Variants in GRID2 observed in about 807,000 individuals in gnomAD.
The protein encoded by GRID2 is glutamate receptor ionotropic, delta-2.
In GRID2, 33 loss-of-function variants were observed where a neutral mutation model predicts 114.8. The observed-to-expected ratio is 0.29, with a 90% CI of 0.22 to 0.38. The LOEUF (loss-of-function observed/expected upper bound fraction) is 0.38, where lower values mean the gene tolerates loss of function less well. GRID2 is among the 10% of genes least tolerant of loss of function. The pLI is 1.00. For synonymous variants in GRID2, 505 were observed against 449.9 expected, an observed-to-expected ratio of 1.12 and a Z score of -1.55; for missense variants, 1,184 against 1,257.7, an observed-to-expected ratio of 0.94 and a Z score of 0.89.
chr4:93,718,929 A>G (rs879565514), intron 14 of GRID2, among the ~76,000 whole-genome samples: 26 of 152,158 alleles, frequency 1.7e-4, no homozygotes, highest in Non-Finnish European at 2.9e-4. Flanking sequence ...AGGTTATCCA[A>G]GCTTTTCATG....
intron 11 of GRID2, among the ~76,000 whole-genome samples, chr4:93,466,174 A>G (rs1724250185): frequency 1.3e-5 from 2 of 152,224 alleles, no homozygotes. Context: ...TTCTAAACTA[A>G]GCAATGTTCA....
intron 1 of GRID2, among the ~76,000 whole-genome samples, chr4:93,796,783 C>G (rs913835267): frequency 6.6e-6 from 1 of 152,170 alleles, no homozygotes; most frequent in African/African-American, 2.4e-5. Context: ...CTGCTGACCT[C>G]AAGTGATCTA....
intron 8 of GRID2, among the ~76,000 whole-genome samples, chr4:93,317,716 G>A (rs1368728): frequency 0.38 from 57,293 of 151,366 alleles, 11,115 homozygotes; most frequent in East Asian, 0.62. Context: ...TTCTTTGCGA[G>A]TGAGCAGAAT....
intron 9 of GRID2, among the ~76,000 whole-genome samples, chr4:93,410,161 G>A (rs1170869406): frequency 6.6e-6 from 1 of 152,040 alleles, no homozygotes; most frequent in Non-Finnish European, 1.5e-5. Context: ...ACTAAATGAG[G>A]TAATGAACGT....
intron 2 of GRID2, among the ~76,000 whole-genome samples, chr4:93,060,107 T>C (rs968349178): frequency 1.3e-5 from 2 of 152,132 alleles, no homozygotes; most frequent in African/African-American, 4.8e-5. Context: ...GGAGAGAGTT[T>C]GCTTTGGCAT....
rs200779746 is a variant in GRID2, at chr4:93,316,389, A to AAAG, written c.1245+77901_1245+77902insGAA. ...AGAAAAAGAAAGAAAGAAAGAATAG[A>AAAG]AAAGGAAGGAAGGAAGGAGAAGAAA... On this transcript the variant is annotated intron_variant, in intron 8 of 15. Coordinates refer to ENST00000282020, the MANE Select transcript of GRID2 (RefSeq NM_001510.4). Among the ~76,000 whole-genome samples, 136 of 71,436 alleles carry AAAG rather than the reference A, an allele frequency of 1.9e-3. 4 individuals are homozygous for AAAG. The East Asian group carries it at 0.025, about 13-fold the overall frequency. The allele number at this position is 71,436 out of a possible 152,430, so 46.9% of individuals were successfully genotyped here. A position where few individuals can be genotyped will look rare whatever the true frequency, so the allele number is the denominator to read the frequency against.
chr4:93,320,486 A>G (rs1757096252), intron 8 of GRID2, among the ~76,000 whole-genome samples: 1 of 152,218 alleles, frequency 6.6e-6, no homozygotes, highest in Non-Finnish European at 1.5e-5. Flanking sequence ...CATATGTGAC[A>G]GCATCTACAT....
intron 4 of GRID2, among the ~76,000 whole-genome samples, chr4:93,152,213 C>T (rs1013764871): frequency 2.0e-5 from 3 of 151,960 alleles, no homozygotes; most frequent in Non-Finnish European, 4.4e-5. Context: ...AAGATTAAAC[C>T]GAAGCATTTT....
chr4:93,018,509 G>A (rs927408683), intron 2 of GRID2, among the ~76,000 whole-genome samples: 2 of 152,024 alleles, frequency 1.3e-5, no homozygotes, highest in Admixed American at 1.3e-4. Context: ...TTTCACTAAC[G>A]AAAAGTTAGC....
chr4:92,365,803 C>T (rs1728834819), intron 1 of GRID2, among the ~76,000 whole-genome samples: 1 of 151,846 alleles, frequency 6.6e-6, no homozygotes, highest in Non-Finnish European at 1.5e-5. Flanking sequence ...AATAAATAAT[C>T]AGCATATAAT....
intron 2 of GRID2, among the ~76,000 whole-genome samples, chr4:92,973,738 A>T (rs990873115): frequency 4.5e-4 from 69 of 152,192 alleles, no homozygotes; most frequent in Admixed American, 4.1e-3. Context: ...ATATTAAATG[A>T]TACTTATTAG....
chr4:93,424,048 A>C (rs1163692872), intron 10 of GRID2, among the ~76,000 whole-genome samples: 1 of 152,054 alleles, frequency 6.6e-6, no homozygotes, highest in South Asian at 2.1e-4. Flanking sequence ...ATTCTATCTT[A>C]AGTTAATATT....
intron 13 of GRID2, 43 bp from the exon 14 acceptor site, chr4:93,626,226 A>G (rs1309690467): frequency 1.7e-6 from 2 of 1,154,826 alleles, no homozygotes; most frequent in South Asian, 1.4e-5. Flanking sequence ...TAAAATTCCA[A>G]CTTTAAACCC....
intron 2 of GRID2, among the ~76,000 whole-genome samples, chr4:92,964,192 G>T (rs116462129): frequency 6.6e-6 from 1 of 151,996 alleles, no homozygotes; most frequent in South Asian, 2.1e-4. Flanking sequence ...AAAGTCAGCA[G>T]CTGCATTAGC....
At position 92,937,726 on chromosome 4, in the gene GRID2, A is replaced by G. The variant is rs1750771532; in HGVS notation, c.245-147269A>G. Among the ~76,000 whole-genome samples, 3 of 146,578 alleles carry G rather than the reference A, an allele frequency of 2.0e-5. 1 individual carries two copies. Among genetic ancestry groups the G allele is most frequent in the East Asian group, 4.3e-4 (2 of 4,612 alleles). ...AGGATCAGCTTTCTTTAACATTTAC[A>G]TTTTAGCAAAAAAAGAAAAAAATCA... On this transcript the variant is annotated intron_variant, in intron 2 of 15. Coordinates refer to ENST00000282020, the MANE Select transcript of GRID2 (RefSeq NM_001510.4).
chr4:92,897,605 C>A (rs1411152401), intron 2 of GRID2, among the ~76,000 whole-genome samples: 1 of 152,096 alleles, frequency 6.6e-6, no homozygotes, highest in Non-Finnish European at 1.5e-5. Context: ...AACAGAAAAT[C>A]TTTCACTGCC....
At chr4:93,678,151 G>T (rs140207360) in intron 14 of GRID2, among the ~76,000 whole-genome samples, 1 of 152,114 alleles carries the variant, frequency 6.6e-6, no homozygotes, top group Non-Finnish European at 1.5e-5. Context: ...AGGAGCCGAC[G>T]CGATCAACTG....
chr4:92,780,648 G>A (rs1300986804), intron 2 of GRID2, among the ~76,000 whole-genome samples: 1 of 152,106 alleles, frequency 6.6e-6, no homozygotes, highest in African/African-American at 2.4e-5. Flanking sequence ...TGAAGAAAGG[G>A]TGAATATGGA....
chr4:92,442,509 G>A (rs900278348), intron 1 of GRID2, among the ~76,000 whole-genome samples: 218 of 152,154 alleles, frequency 1.4e-3, no homozygotes, highest in African/African-American at 5.0e-3. Context: ...CTGGAGATGT[G>A]GCTGGGGTTT....
Sources: gnomAD v4.1 joint callset for allele counts (sites outside exome capture counted in the v4.1 genomes callset) on GRCh38, gnomAD v4.1.1 for gene constraint, MANE v1.5 for transcripts, NCBI Gene and HGNC (gene_info 2026-07-23, HGNC 2026-07-21) for gene names.